EFHC1: variants seen among roughly 807,000 people sequenced by gnomAD.
EFHC1 encodes the protein EF-hand domain containing 1.
A neutral mutation model predicts 69.9 loss-of-function variants in EFHC1; 53 were observed. The observed-to-expected ratio is 0.76, with a 90% confidence interval of 0.61 to 0.95. The LOEUF is 0.95. Among genes scored for constraint, EFHC1 ranks in the 40% least tolerant of loss-of-function variants. The pLI is 0.00. For missense variants in EFHC1, 739 were observed against 798.7 expected, an observed-to-expected ratio of 0.93 and a Z score of 0.90; for synonymous variants, 256 against 278.4, an observed-to-expected ratio of 0.92 and a Z score of 0.80.
chr6:52,452,393 T>C (rs563267822), intron 3 of EFHC1, among the ~76,000 whole-genome samples: 1 of 152,308 alleles, frequency 6.6e-6, no homozygotes, highest in Non-Finnish European at 1.5e-5. Flanking sequence ...CTTGACCTCC[T>C]GAGCTCAAGC....
At chr6:52,438,822 A>G (rs1764595561) in intron 3 of EFHC1, among the ~76,000 whole-genome samples, 2 of 152,216 alleles carry the variant, frequency 1.3e-5, no homozygotes, top group Non-Finnish European at 2.9e-5. Context: ...TCAAACTCTC[A>G]TCATAGCTGA....
At chr6:52,477,645 C>T (rs1765572247) in intron 7 of EFHC1, among the ~76,000 whole-genome samples, 1 of 152,176 alleles carries the variant, frequency 6.6e-6, no homozygotes, top group Non-Finnish European at 1.5e-5. Context: ...CAAAAGAAGA[C>T]ATTTATGCAG....
chr6:52,440,791 G>A (rs1764645062), intron 3 of EFHC1, among the ~76,000 whole-genome samples: 1 of 151,976 alleles, frequency 6.6e-6, no homozygotes, highest in South Asian at 2.1e-4. Flanking sequence ...AACCTTGACA[G>A]CACCTGTTAT....
Position 52,426,324 on chromosome 6 carries a change from T to A in EFHC1, c.285+2157T>A, listed in dbSNP as rs190522469. 3.2e-3 allele frequency among the ~76,000 whole-genome samples: 490 copies of A among 152,336 alleles called. 2 individuals are homozygous for A. Among genetic ancestry groups the A allele is most frequent in the African/African-American group, 0.012 (479 of 41,574 alleles). ...TTGGCTTGTTTATGCCATCTGACAC[T>A]GTTGACCCTTCCTCCCTTCTTGAAA... On this transcript the variant is annotated intron_variant, in intron 2 of 10. Transcript: ENST00000371068.
chr6:52,484,672 G>A (rs1297899555), intron 9 of EFHC1: 2 of 152,200 alleles, frequency 1.3e-5, no homozygotes, highest in Non-Finnish European at 2.9e-5. Flanking sequence ...ACAGACCCCT[G>A]AAGGGTCTTG....
chr6:52,457,991 C>A (rs1024256177), intron 5 of EFHC1, among the ~76,000 whole-genome samples: 2 of 152,150 alleles, frequency 1.3e-5, no homozygotes, highest in Non-Finnish European at 2.9e-5. Context: ...AAAGACTTTA[C>A]AATCTGATGA....
At chr6:52,474,035 T>C (rs967842119) in intron 7 of EFHC1, among the ~76,000 whole-genome samples, 1 of 151,740 alleles carries the variant, frequency 6.6e-6, no homozygotes, top group African/African-American at 2.4e-5. Context: ...CTAAACATAT[T>C]AGAAGGGCCA....
chr6:52,495,634 A>T lies in EFHC1; in HGVS notation c.*3293A>T, dbSNP rs1283282135. On this transcript the variant is annotated 3_prime_UTR_variant, in exon 11 of 11. Coordinates refer to ENST00000371068, the MANE Select transcript of EFHC1 (RefSeq NM_018100.4). ...AGACAGGGTCTTACTCTGTTGCCAG[A>T]CTGGAATGCGGTGGTGTGACCATAG... 2.2e-6 allele frequency: 1 copy of T among 452,152 alleles called. No homozygotes were observed. 28.0% of individuals were successfully genotyped at this position (452,152 alleles called of 1,614,324 possible).
intron 7 of EFHC1, among the ~76,000 whole-genome samples, chr6:52,478,196 A>G (rs994638819): frequency 6.6e-6 from 1 of 151,436 alleles, no homozygotes; most frequent in South Asian, 2.1e-4. Context: ...AACACCGCAT[A>G]TTCTCACTCA....
At chr6:52,469,601 C>G in intron 7 of EFHC1, 128 bp downstream of exon 7, 1 of 1,342,910 alleles carries the variant, frequency 7.4e-7, no homozygotes, top group Non-Finnish European at 1.0e-6. Flanking sequence ...ACCATTGTAT[C>G]TAGTACCCAG....
rs1047543270 is a variant in EFHC1, at chr6:52,452,555, G to A, written c.574-133G>A. 21 of 993,436 alleles carry A rather than the reference G, an allele frequency of 2.1e-5. No homozygotes were observed. In the African/African-American group the frequency reaches 3.4e-4, roughly 16 times the overall value. 61.5% of individuals were successfully genotyped at this position (993,436 alleles called of 1,614,324 possible). A position where few individuals can be genotyped will look rare whatever the true frequency, so the allele number is the denominator to read the frequency against. The stretch of plus-strand genomic sequence containing the variant: ...GCGTTTCAGGAGTCCTCCTACCTCA[G>A]CCTCCCAAAGTGCTGAGATTGTAGG... On this transcript the variant is annotated intron_variant, in intron 3 of 10. Coordinates refer to ENST00000371068, the MANE Select transcript of EFHC1 (RefSeq NM_018100.4).
In EFHC1 at chr6:52,454,150, G is replaced by T; in HGVS notation, c.779G>T (p.Arg260Leu). ...DDTDSMYGECRTYIIHYYLMD... is the reference protein window; with the variant it reads ...DDTDSMYGECLTYIIHYYLMD... The stretch of plus-strand genomic sequence containing the variant: ...ACAGACAGCATGTATGGTGAATGTC[G>T]GACCTACATCATTCATTACTATCTT... The change falls in exon 5 of 11, where the codon CGG (arginine) becomes CTG (leucine). Residue 260 changes from arginine (R) to leucine (L), a missense_variant. Arg to Leu is a moderately radical substitution (Grantham distance 102). Transcript: ENST00000371068. The T allele has an allele frequency of 6.2e-7, 1 of 1,613,938 alleles. No homozygotes were observed. Among genetic ancestry groups the T allele is most frequent in the Non-Finnish European group, 8.5e-7 (1 of 1,179,976 alleles).
chr6:52,453,754 T>G, intron 4 of EFHC1: 1 of 1,243,134 alleles, frequency 8.0e-7, no homozygotes, highest in Non-Finnish European at 1.0e-6. Flanking sequence ...CACATGTACC[T>G]TTATTAATAT....
Position 52,494,503 on chromosome 6 carries a change from C to G in EFHC1, c.*2162C>G. ...AGAGAAAAAGGGCAAAGTCTTATTT[C>G]TGTGGCTAGTAATGTCGTAATGTGG... On this transcript the variant is annotated 3_prime_UTR_variant, in exon 11 of 11. Transcript: ENST00000371068. 2.2e-6 allele frequency: 1 copy of G among 454,138 alleles called. No homozygotes were observed. Among genetic ancestry groups the G allele is most frequent in the Non-Finnish European group, 4.4e-6 (1 of 226,796 alleles). 28.1% of individuals were successfully genotyped at this position (454,138 alleles called of 1,614,324 possible). A position where few individuals can be genotyped will look rare whatever the true frequency, so the allele number is the denominator to read the frequency against.
chr6:52,465,203 G>A (rs374198314), intron 6 of EFHC1, 88 bp downstream of exon 6: 17 of 1,135,896 alleles, frequency 1.5e-5, no homozygotes, highest in Admixed American at 4.1e-5. Flanking sequence ...GCAAATATTC[G>A]ATAAATAATG....
chr6:52,459,994 A>T (rs1466232137), intron 5 of EFHC1, among the ~76,000 whole-genome samples: 2 of 152,186 alleles, frequency 1.3e-5, no homozygotes, highest in Non-Finnish European at 2.9e-5. Flanking sequence ...GTTTTTTAAA[A>T]TTGCACATAT....
intron 1 of EFHC1, among the ~76,000 whole-genome samples, chr6:52,422,214 G>C (rs1214034140): frequency 2.6e-5 from 4 of 152,176 alleles, no homozygotes; most frequent in African/African-American, 9.7e-5. Flanking sequence ...CTTGCCTGGG[G>C]TGTCTGTGAG....
At chr6:52,488,005 CTG>C (rs1765822152) in intron 9 of EFHC1, 2 of 152,328 alleles carry the variant, frequency 1.3e-5, no homozygotes, top group Middle Eastern at 3.4e-3. Flanking sequence ...TGCCATCTAT[CTG>C]TGAATTTACT....
At chr6:52,472,208 T>C (rs1224136116) in intron 7 of EFHC1, among the ~76,000 whole-genome samples, 6 of 152,088 alleles carry the variant, frequency 3.9e-5, no homozygotes. Context: ...GGGTTTCCTT[T>C]ATCTGTTAAA....
Sources: allele counts gnomAD v4.1 joint callset (sites outside exome capture counted in the v4.1 genomes callset), GRCh38; gene constraint gnomAD v4.1.1; transcripts MANE v1.5; gene names NCBI Gene and HGNC (gene_info 2026-07-23, HGNC 2026-07-21).